DLGAP1: variants seen among roughly 807,000 people sequenced by gnomAD.
DLGAP1 encodes disks large-associated protein 1.
A neutral mutation model predicts 90.8 loss-of-function variants in DLGAP1; 11 were observed. The ratio of observed to expected loss-of-function variants is 0.12; its 90% CI spans 0.08 to 0.20. The LOEUF is 0.20. DLGAP1 is among the 10% of genes least tolerant of loss of function. DLGAP1 has a pLI of 1.00. For missense variants in DLGAP1, 1,050 were observed against 1,333.8 expected, an observed-to-expected ratio of 0.79 and a Z score of 3.31; for synonymous variants, 558 against 540.7, an observed-to-expected ratio of 1.03 and a Z score of -0.44.
At chr18:3,866,197 A>G (rs2070372330) in intron 4 of DLGAP1, among the ~76,000 whole-genome samples, 1 of 152,130 alleles carries the variant, frequency 6.6e-6, no homozygotes, top group South Asian at 2.1e-4. Context: ...AGGGCAGGGC[A>G]CCAGGGCTGC....
At chr18:3,508,825 T>C (rs1207536143) in intron 10 of DLGAP1, among the ~76,000 whole-genome samples, 164 bp from the exon 11 acceptor site, 1 of 152,102 alleles carries the variant, frequency 6.6e-6, no homozygotes, top group African/African-American at 2.4e-5. Context: ...GTTGTCACCC[T>C]GTTGGTCTGT....
intron 3 of DLGAP1, among the ~76,000 whole-genome samples, chr18:3,910,861 T>TA (rs1332917584): frequency 1.3e-5 from 2 of 151,912 alleles, no homozygotes; most frequent in East Asian, 1.9e-4. Context: ...CAACAGTGTC[T>TA]AAAAAAAATG....
intron 1 of DLGAP1, among the ~76,000 whole-genome samples, chr18:4,358,937 T>C (rs2081577950): frequency 6.6e-6 from 1 of 152,232 alleles, no homozygotes; most frequent in Non-Finnish European, 1.5e-5. Context: ...CCGTTCTCCA[T>C]GTGTTTAACT....
rs141352736 is a variant in DLGAP1, at chr18:3,866,378, C to T, written c.957+12734G>A. 3.1e-3 allele frequency among the ~76,000 whole-genome samples: 470 copies of T among 152,220 alleles called. 5 individuals carry two copies. The highest frequency in any genetic ancestry group is 0.023 in the East Asian group (119 of 5,184). ...AAGAACAGATACAGAAGTTTCCCTC[C>T]TGGATCATTAAACTCTTTCTTAGAC... is the stretch of plus-strand genomic sequence containing the variant. On this transcript the variant is annotated intron_variant, in intron 4 of 12. Transcript: ENST00000315677.
intron 9 of DLGAP1, among the ~76,000 whole-genome samples, chr18:3,547,384 A>AAG (rs2053118946): frequency 6.6e-6 from 1 of 151,410 alleles, no homozygotes; most frequent in Admixed American, 6.6e-5. Flanking sequence ...AGAATGTATA[A>AAG]AGAACTCTTA....
Position 3,879,948 on chromosome 18 carries a change from G to A in DLGAP1, c.121C>T (p.Pro41Ser), listed in dbSNP as rs2071107632. 6.2e-7 allele frequency: 1 copy of A among 1,612,406 alleles called. No individual in the cohort carries two copies. The highest frequency in any genetic ancestry group is 8.5e-7 in the Non-Finnish European group (1 of 1,179,828). Reference protein sequence around the residue: ...PYLLSPVEHHPADHPYYTQRN... With the variant: ...PYLLSPVEHHSADHPYYTQRN... The stretch of plus-strand genomic sequence containing the variant: ...TGGGTGTAGTATGGGTGGTCTGCGG[G>A]GTGGTGCTCCACTGGGCTCAGCAGG... The change falls in exon 4 of 13, where the codon CCC becomes TCC. Residue 41 changes from proline (P) to serine (S), a missense_variant. Pro to Ser is a moderately conservative substitution (Grantham distance 74, BLOSUM62 -1). Around this residue, in one of 2 missense-constraint regions of DLGAP1, gnomAD observed 485 missense variants for 454.1 expected, o/e 1.07. Coordinates refer to ENST00000315677, the MANE Select transcript of DLGAP1 (RefSeq NM_004746.4). This position sits in a 1 kb window ranked among gnomAD's most constrained non-coding sequence, Gnocchi z 6.6.
chr18:4,372,372 T>C (rs2081934321), intron 1 of DLGAP1, among the ~76,000 whole-genome samples: 1 of 152,232 alleles, frequency 6.6e-6, no homozygotes, highest in Non-Finnish European at 1.5e-5. Context: ...AGCCACGATA[T>C]GGCCTTGTGA....
chr18:3,504,731 C>A (rs2143689581), intron 11 of DLGAP1, among the ~76,000 whole-genome samples: 1 of 152,286 alleles, frequency 6.6e-6, no homozygotes, highest in East Asian at 1.9e-4. Context: ...AACTCGTTCC[C>A]TTCTCATAAA....
At chr18:4,079,921 C>T (rs188623818) in intron 2 of DLGAP1, among the ~76,000 whole-genome samples, 55 of 152,136 alleles carry the variant, frequency 3.6e-4, no homozygotes, top group African/African-American at 1.1e-3. Context: ...CTTATACATT[C>T]GGGGTCTTAC....
intron 1 of DLGAP1, among the ~76,000 whole-genome samples, chr18:4,196,272 G>A (rs1355139921): frequency 6.6e-6 from 1 of 152,202 alleles, no homozygotes; most frequent in Admixed American, 6.5e-5. Context: ...GAAACGGTAG[G>A]TAAGAGAACA....
chr18:4,031,918 G>A (rs1403782332), intron 2 of DLGAP1, among the ~76,000 whole-genome samples: 6 of 152,184 alleles, frequency 3.9e-5, no homozygotes, highest in Non-Finnish European at 8.8e-5. Context: ...GAAACCACAT[G>A]TGGTGGCTAT....
At chr18:3,820,186 T>C (rs2067330729) in intron 4 of DLGAP1, among the ~76,000 whole-genome samples, 1 of 152,144 alleles carries the variant, frequency 6.6e-6, no homozygotes, top group Non-Finnish European at 1.5e-5. Flanking sequence ...GTAATGAGAA[T>C]GCGTGAGATT....
chr18:4,276,267 T>C (rs1471762366), intron 1 of DLGAP1, among the ~76,000 whole-genome samples: 1 of 151,776 alleles, frequency 6.6e-6, no homozygotes, highest in Admixed American at 6.6e-5. Context: ...ACTTTGGCTA[T>C]AGTGTGGAGA....
At chr18:3,798,247 CAGAGG>C (rs1319227071) in intron 5 of DLGAP1, among the ~76,000 whole-genome samples, 2 of 152,130 alleles carry the variant, frequency 1.3e-5, no homozygotes, top group African/African-American at 4.8e-5. Flanking sequence ...ACGCTTCCAA[CAGAGG>C]AGAGGAGTCA....
intron 7 of DLGAP1, among the ~76,000 whole-genome samples, chr18:3,669,817 C>T (rs1412550879): frequency 1.3e-5 from 2 of 152,162 alleles, no homozygotes; most frequent in East Asian, 1.9e-4. Context: ...GTCCTCTGTC[C>T]TTGTGATGAG....
intron 7 of DLGAP1, among the ~76,000 whole-genome samples, chr18:3,641,783 G>A (rs1023174477): frequency 3.9e-5 from 6 of 152,110 alleles, no homozygotes; most frequent in African/African-American, 1.4e-4. Flanking sequence ...ACAGGTGGTT[G>A]TCTCATATGT....
At chr18:3,639,782 T>C (rs918163757) in intron 7 of DLGAP1, among the ~76,000 whole-genome samples, 1 of 113,774 alleles carries the variant, frequency 8.8e-6, no homozygotes, top group Admixed American at 8.6e-5. Flanking sequence ...TGAGACAGAG[T>C]CTTGCTCTGT....
At chr18:3,931,807 A>G (rs191904915) in intron 3 of DLGAP1, among the ~76,000 whole-genome samples, 19 of 152,340 alleles carry the variant, frequency 1.2e-4, no homozygotes, top group Admixed American at 3.3e-4. Flanking sequence ...AAAGAAGATT[A>G]CTTTTTGCAA....
chr18:4,164,756 G>GA (rs1232003104), intron 1 of DLGAP1, among the ~76,000 whole-genome samples: 7 of 152,044 alleles, frequency 4.6e-5, no homozygotes, highest in Non-Finnish European at 7.4e-5. Context: ...TGGAACAAAT[G>GA]AAAAAATAGA....
Sources: allele counts gnomAD v4.1 joint callset (sites outside exome capture counted in the v4.1 genomes callset), GRCh38; gene constraint gnomAD v4.1.1; regional missense constraint gnomAD v4.1.1; non-coding constraint Gnocchi (gnomAD v3.1); transcripts MANE v1.5; gene names NCBI Gene and HGNC (gene_info 2026-07-23, HGNC 2026-07-21).